Variants in ZNF597 observed in about 807,000 individuals in gnomAD.
ZNF597 encodes the protein zinc finger protein 597.
Under a neutral mutation model 7.3 loss-of-function variants are expected in ZNF597, and 5 were observed. The observed-to-expected ratio is 0.68, with a 90% CI of 0.36 to 1.44. ZNF597 has a LOEUF of 1.44. ZNF597 is among the 40% of genes most tolerant of loss of function. The probability of loss-of-function intolerance (pLI) is 0.04; values close to 1 mark genes in which losing one functional copy is unlikely to be tolerated. For missense variants in ZNF597, 585 were observed against 517.9 expected, an observed-to-expected ratio of 1.13 and a Z score of -1.26; for synonymous variants, 209 against 185.4, an observed-to-expected ratio of 1.13 and a Z score of -1.04.
chr16:3,440,748 T>G lies in ZNF597; in HGVS notation c.160+59A>C, dbSNP rs953375610. ...ACCATACCAACATCTGGATAAAGCATGAAGTTCTCCTCCTAGAATTGACAA... is the reference window on the plus strand; with the variant it reads ...ACCATACCAACATCTGGATAAAGCAGGAAGTTCTCCTCCTAGAATTGACAA... On this transcript the variant is annotated intron_variant, in intron 3 of 3. Transcript: ENST00000301744. 8 of 1,600,840 alleles carry G rather than the reference T, an allele frequency of 5.0e-6. No individual in the cohort carries two copies. The South Asian group carries it at 7.8e-5, about 16-fold the overall frequency.
chr16:3,434,071 TCTCA>T lies in ZNF597; in HGVS notation c.*2349_*2352del. The T allele has an allele frequency of 6.6e-6, 1 of 152,230 alleles. No individual in the cohort carries two copies. Among genetic ancestry groups the T allele is most frequent in the South Asian group, 2.1e-4 (1 of 4,828 alleles). 9.4% of individuals were successfully genotyped at this position (152,230 alleles called of 1,614,324 possible). On this transcript the variant is annotated 3_prime_UTR_variant, in exon 4 of 4. Coordinates refer to ENST00000301744, the MANE Select transcript of ZNF597 (RefSeq NM_152457.3). ...GCAGAACAGGATGTATGGCACAAAT[TCTCA>T]CTTTCTGCTATATTTTCTAGGAGCC...
chr16:3,435,564 T>C lies in ZNF597; in HGVS notation c.*860A>G, dbSNP rs2034291971. The C allele has an allele frequency of 2.4e-5, 1 of 41,192 alleles. No individual in the cohort carries two copies. Among genetic ancestry groups the C allele is most frequent in the Admixed American group, 4.1e-4 (1 of 2,454 alleles). 2.6% of individuals were successfully genotyped at this position (41,192 alleles called of 1,614,324 possible). On this transcript the variant is annotated 3_prime_UTR_variant, in exon 4 of 4. Transcript: ENST00000301744. The stretch of plus-strand genomic sequence containing the variant: ...AGTTTCCTCGTTTATGAAACAAAGA[T>C]TTTTTTTCTCTGTCACAGATTCTGA...
At chr16:3,438,591 AG>A (rs1322540020) in intron 3 of ZNF597, among the ~76,000 whole-genome samples, 1 of 152,106 alleles carries the variant, frequency 6.6e-6, no homozygotes, top group East Asian at 1.9e-4. Context: ...TAATTAAAAA[AG>A]AAAAAAGAAA....
Position 3,433,137 on chromosome 16 carries a change from G to C in ZNF597, c.*3287C>G, listed in dbSNP as rs2034270400. ...TTTAACTCCCTGAATTATTGGGTTA[G>C]TCATTTTCTATGTTAAATGAGGAGG... On this transcript the variant is annotated 3_prime_UTR_variant, in exon 4 of 4. Coordinates refer to ENST00000301744, the MANE Select transcript of ZNF597 (RefSeq NM_152457.3). The C allele has an allele frequency of 6.6e-6, 1 of 152,170 alleles. No individual in the cohort carries two copies. Among genetic ancestry groups the C allele is most frequent in the African/African-American group, 2.4e-5 (1 of 41,428 alleles). The allele number at this position is 152,170 out of a possible 1,614,324, so 9.4% of individuals were successfully genotyped here. A position where few individuals can be genotyped will look rare whatever the true frequency, so the allele number is the denominator to read the frequency against.
Position 3,432,657 on chromosome 16 carries a change from C to G in ZNF597, c.*3767G>C, listed in dbSNP as rs192873168. 1 of 152,144 alleles carries G rather than the reference C, an allele frequency of 6.6e-6. No homozygotes were observed. Among genetic ancestry groups the G allele is most frequent in the Non-Finnish European group, 1.5e-5 (1 of 68,028 alleles). The allele number at this position is 152,144 out of a possible 1,614,324, so 9.4% of individuals were successfully genotyped here. ...AAGAATATTTATATTGTATTCCCCC[C>G]CTACAGACTTAATGCAAAGAGGACT... is the stretch of plus-strand genomic sequence containing the variant. On this transcript the variant is annotated 3_prime_UTR_variant, in exon 4 of 4. Transcript: ENST00000301744.
At chr16:3,438,361 C>T (rs898431100) in intron 3 of ZNF597, among the ~76,000 whole-genome samples, 1 of 151,870 alleles carries the variant, frequency 6.6e-6, no homozygotes, top group East Asian at 1.9e-4. Flanking sequence ...AGATCAAGAC[C>T]ATCCTGGCTA....
chr16:3,440,240 G>C (rs536112827), intron 3 of ZNF597, among the ~76,000 whole-genome samples: 2 of 152,338 alleles, frequency 1.3e-5, no homozygotes, highest in Admixed American at 6.5e-5. Flanking sequence ...GATTTCCCAA[G>C]TAAAATTGTA....
intron 2 of ZNF597, 45 bp downstream of exon 2, chr16:3,443,076 C>T (rs1216445360): frequency 6.2e-7 from 1 of 1,613,746 alleles, no homozygotes; most frequent in Non-Finnish European, 8.5e-7. Flanking sequence ...CAGGCAGAGA[C>T]CGAAAGCAGC....
rs761368695 is a variant in ZNF597, at chr16:3,436,728, C to T, written c.971G>A (p.Arg324His). The T allele has an allele frequency of 1.3e-5, 21 of 1,614,050 alleles. No homozygotes were observed. Among genetic ancestry groups the T allele is most frequent in the Non-Finnish European group, 1.6e-5 (19 of 1,180,030 alleles). ...GAAATTGTCCCCATCATCGCTGCAG[C>T]GTTCAGAGTCCTCGTCGTGGCTCTT... ...SEKSHDEDSE[R>H]CSDDGDNFFS... is the part of the protein sequence containing the mutation. The change falls in exon 4 of 4, where the codon CGC (arginine) becomes CAC (histidine). Residue 324 changes from arginine to histidine, a missense_variant. Transcript: ENST00000301744.
chr16:3,441,935 G>GCA (rs1191083275), intron 2 of ZNF597, among the ~76,000 whole-genome samples: 2 of 150,056 alleles, frequency 1.3e-5, no homozygotes, highest in African/African-American at 4.9e-5. Flanking sequence ...AGCCGAGATC[G>GCA]CGCCATTGCA....
chr16:3,441,144 C>T (rs939585654), intron 2 of ZNF597, among the ~76,000 whole-genome samples: 3 of 152,184 alleles, frequency 2.0e-5, no homozygotes, highest in African/African-American at 7.2e-5. Context: ...CATTTTTAGG[C>T]AGTGGTACAA....
chr16:3,441,026 G>A, intron 2 of ZNF597, 93 bp from the exon 3 acceptor site: 3 of 1,521,276 alleles, frequency 2.0e-6, no homozygotes, highest in Non-Finnish European at 2.6e-6. Flanking sequence ...AACATCAGAT[G>A]CACGGGATAA....
Position 3,436,362 on chromosome 16 carries a change from C to G in ZNF597, c.*62G>C. The G allele has an allele frequency of 6.6e-7, 1 of 1,505,948 alleles. No homozygotes were observed. The highest frequency in any genetic ancestry group is 9.0e-7 in the Non-Finnish European group (1 of 1,109,492). 93.3% of individuals were successfully genotyped at this position (1,505,948 alleles called of 1,614,324 possible). A position where few individuals can be genotyped will look rare whatever the true frequency, so the allele number is the denominator to read the frequency against. On this transcript the variant is annotated 3_prime_UTR_variant, in exon 4 of 4. Transcript: ENST00000301744. ...ACATTGCCTGGGACATATACAGTAA[C>G]TGCTTCCCACCATACAGATACTGAA... is the stretch of plus-strand genomic sequence containing the variant.
intron 2 of ZNF597, among the ~76,000 whole-genome samples, chr16:3,441,818 A>G (rs1324385548): frequency 1.3e-5 from 2 of 150,314 alleles, no homozygotes; most frequent in African/African-American, 4.9e-5. Flanking sequence ...AAATAAATTA[A>G]AATAAAATGA....
chr16:3,442,092 G>A (rs1417567523), intron 2 of ZNF597, among the ~76,000 whole-genome samples: 1 of 151,738 alleles, frequency 6.6e-6, no homozygotes, highest in East Asian at 1.9e-4. Flanking sequence ...ATTTCCTCTC[G>A]TCCCCATGAC....
chr16:3,443,312 C>G (rs1352442377), intron 1 of ZNF597, 48 bp downstream of exon 1: 2 of 677,100 alleles, frequency 3.0e-6, no homozygotes, highest in Non-Finnish European at 4.8e-6. Flanking sequence ...TAAAAACCTA[C>G]GCCGACTGCT....
intron 1 of ZNF597, 48 bp downstream of exon 1, chr16:3,443,312 C>T (rs1352442377): frequency 3.0e-6 from 2 of 677,100 alleles, no homozygotes; most frequent in Non-Finnish European, 4.8e-6. Context: ...TAAAAACCTA[C>T]GCCGACTGCT....
rs1490671014 is a variant in ZNF597 at position 3,433,653 on chromosome 16, T to A, written c.*2771A>T. ...TCAGTTGACACTGTAAACAGAAGGG[T>A]GAAATGCCATCATCATAAAAAGCCT... On this transcript the variant is annotated 3_prime_UTR_variant, in exon 4 of 4. Transcript: ENST00000301744. The A allele has an allele frequency of 6.6e-6, 1 of 152,182 alleles. No individual in the cohort carries two copies. Among genetic ancestry groups the A allele is most frequent in the Non-Finnish European group, 1.5e-5 (1 of 68,026 alleles). The allele number at this position is 152,182 out of a possible 1,614,324, so 9.4% of individuals were successfully genotyped here.
rs1339429558 is a variant in ZNF597, at chr16:3,434,480, C to G, written c.*1944G>C. The G allele has an allele frequency of 6.6e-6, 1 of 152,196 alleles. No individual in the cohort carries two copies. Among genetic ancestry groups the G allele is most frequent in the Non-Finnish European group, 1.5e-5 (1 of 68,034 alleles). The allele number at this position is 152,196 out of a possible 1,614,324, so 9.4% of individuals were successfully genotyped here. ...TCCTGTCTCCTAAGAGTGGAGACAT[C>G]AGAAACAAACAGCCAAAGTCTGACC... On this transcript the variant is annotated 3_prime_UTR_variant, in exon 4 of 4. Coordinates refer to ENST00000301744, the MANE Select transcript of ZNF597 (RefSeq NM_152457.3).
Sources: gnomAD v4.1 joint callset for allele counts (sites outside exome capture counted in the v4.1 genomes callset) on GRCh38, gnomAD v4.1.1 for gene constraint, MANE v1.5 for transcripts, NCBI Gene and HGNC (gene_info 2026-07-23, HGNC 2026-07-21) for gene names.